The following SH3PXD2A variants were observed in gnomAD, a reference collection of about 807,000 sequenced individuals.
The protein encoded by SH3PXD2A is SH3 and PX domains 2A, also known as SH3 and PX domain-containing protein 2A.
A neutral mutation model predicts 115.2 loss-of-function variants in SH3PXD2A; 32 were observed. That is an observed-to-expected ratio of 0.28 (90% CI 0.21 to 0.37). SH3PXD2A has a LOEUF of 0.37. SH3PXD2A is among the 10% of genes least tolerant of loss of function. The pLI is 1.00. For missense variants in SH3PXD2A, 1,328 were observed against 1,498.7 expected (o/e 0.89, Z 1.88); for synonymous variants, 610 against 629.1 (o/e 0.97, Z 0.45).
At chr10:103,779,634 G>A (rs1293940198) in intron 2 of SH3PXD2A, among the ~76,000 whole-genome samples, 1 of 152,218 alleles carries the variant, frequency 6.6e-6, no homozygotes, top group African/African-American at 2.4e-5. Context: ...AGACACATCT[G>A]GCCAGTACAG....
Position 103,601,031 on chromosome 10 carries a change from C to G in SH3PXD2A, c.*785G>C, listed in dbSNP as rs536501043. On this transcript the variant is annotated 3_prime_UTR_variant, in exon 15 of 15. Coordinates refer to ENST00000369774, the MANE Select transcript of SH3PXD2A (RefSeq NM_001394015.1). Reference sequence around the variant, plus strand: ...AAGGAACTGCCCGCCCAGAAATACCCAAAATAGTCTGTGCAGATTAGGAAG... The same window carrying G: ...AAGGAACTGCCCGCCCAGAAATACCGAAAATAGTCTGTGCAGATTAGGAAG... 1.3e-5 allele frequency: 2 copies of G among 152,262 alleles called. No homozygotes were observed. The highest frequency in any genetic ancestry group is 1.9e-4 in the East Asian group (1 of 5,190). 9.4% of individuals were successfully genotyped at this position (152,262 alleles called of 1,614,324 possible).
At chr10:103,707,321 A>G (rs558758062) in intron 5 of SH3PXD2A, among the ~76,000 whole-genome samples, 2 of 151,936 alleles carry the variant, frequency 1.3e-5, no homozygotes, top group African/African-American at 4.8e-5. Flanking sequence ...TCAGCCTCCA[A>G]GTAGTTGGGA....
intron 3 of SH3PXD2A, among the ~76,000 whole-genome samples, chr10:103,739,003 G>C (rs2134189409): frequency 6.6e-6 from 1 of 152,260 alleles, no homozygotes; most frequent in Middle Eastern, 3.4e-3. Context: ...ATGTTGGTCA[G>C]GCTGGTCACG....
chr10:103,644,171 C>A (rs1197141554), intron 8 of SH3PXD2A, among the ~76,000 whole-genome samples: 1 of 150,302 alleles, frequency 6.7e-6, no homozygotes, highest in Non-Finnish European at 1.5e-5. Context: ...AAATCCAAGC[C>A]TGGCCACAAG....
intron 6 of SH3PXD2A, among the ~76,000 whole-genome samples, chr10:103,688,250 T>A (rs967421164): frequency 3.9e-5 from 6 of 152,134 alleles, no homozygotes; most frequent in African/African-American, 1.4e-4. Context: ...GATCCCCAAT[T>A]TAAAGCCACA....
At chr10:103,681,977 G>A (rs998187114) in intron 6 of SH3PXD2A, among the ~76,000 whole-genome samples, 3 of 152,198 alleles carry the variant, frequency 2.0e-5, no homozygotes, top group Non-Finnish European at 2.9e-5. Flanking sequence ...GTAGGTCTGG[G>A]CAGGCCCTGG....
intron 2 of SH3PXD2A, among the ~76,000 whole-genome samples, chr10:103,796,126 G>C (rs953870212): frequency 6.6e-6 from 1 of 151,908 alleles, no homozygotes; most frequent in East Asian, 1.9e-4. Flanking sequence ...TTGGAAGACC[G>C]AGGCGGAAGG....
chr10:103,841,310 C>A (rs1252162042), intron 1 of SH3PXD2A, among the ~76,000 whole-genome samples: 1 of 152,168 alleles, frequency 6.6e-6, no homozygotes, highest in Non-Finnish European at 1.5e-5. Flanking sequence ...TGGCTCCCAG[C>A]TGGAGCACTG....
intron 8 of SH3PXD2A, among the ~76,000 whole-genome samples, chr10:103,636,716 G>A (rs1012238523): frequency 4.6e-5 from 7 of 152,144 alleles, no homozygotes; most frequent in South Asian, 4.1e-4. Context: ...AGTCCTCTGA[G>A]GTCACAGCTC....
intron 11 of SH3PXD2A, among the ~76,000 whole-genome samples, chr10:103,614,242 G>A (rs888954388): frequency 1.3e-5 from 2 of 152,088 alleles, no homozygotes; most frequent in Admixed American, 1.3e-4. Context: ...GAGACAGAGT[G>A]AGACCCTGCC....
At position 103,666,178 on chromosome 10, in the gene SH3PXD2A, A is replaced by G. The variant is rs1564858312; in HGVS notation, c.472+2430T>C. On this transcript the variant is annotated intron_variant, in intron 7 of 14. Coordinates refer to ENST00000369774, the MANE Select transcript of SH3PXD2A (RefSeq NM_001394015.1). The surrounding 1 kb of genome is among the most constrained non-coding windows in gnomAD (Gnocchi z 4.5). Reference sequence around the variant, plus strand: ...TCTTTCTTGCCAATCTGAGCTCCCCAAGTTCCTTGATCCCCGTCCCCCACA... The same window carrying G: ...TCTTTCTTGCCAATCTGAGCTCCCCGAGTTCCTTGATCCCCGTCCCCCACA... Among the ~76,000 whole-genome samples the G allele has an allele frequency of 6.6e-6, 1 of 152,120 alleles. No individual in the cohort carries two copies. The highest frequency in any genetic ancestry group is 1.5e-5 in the Non-Finnish European group (1 of 68,024).
chr10:103,829,758 A>G (rs1198034732), intron 1 of SH3PXD2A, among the ~76,000 whole-genome samples: 1 of 152,264 alleles, frequency 6.6e-6, no homozygotes, highest in Non-Finnish European at 1.5e-5. Flanking sequence ...GCAAGGACAA[A>G]AAAGGTAAGA....
intron 5 of SH3PXD2A, among the ~76,000 whole-genome samples, chr10:103,700,379 C>T (rs1236531822): frequency 6.6e-6 from 1 of 152,228 alleles, no homozygotes; most frequent in East Asian, 1.9e-4. Context: ...GGACCCGTAG[C>T]CCAATAGCCT....
chr10:103,656,505 T>C (rs2037214196), intron 8 of SH3PXD2A, among the ~76,000 whole-genome samples: 1 of 152,180 alleles, frequency 6.6e-6, no homozygotes, highest in Admixed American at 6.6e-5. Flanking sequence ...GGCAGGCTGG[T>C]CTACAGTTAG....
At chr10:103,678,310 C>T (rs901894518) in intron 6 of SH3PXD2A, 2 of 169,764 alleles carry the variant, frequency 1.2e-5, no homozygotes, top group South Asian at 1.9e-4. Flanking sequence ...TGTGCATGCA[C>T]GCAGTGCGCA....
chr10:103,809,512 AG>A (rs752675741), intron 1 of SH3PXD2A, among the ~76,000 whole-genome samples: 14 of 152,132 alleles, frequency 9.2e-5, no homozygotes, highest in Non-Finnish European at 1.9e-4. Flanking sequence ...TCTGGGGAAA[AG>A]GGTTTTTAAA....
At chr10:103,848,003 T>TA (rs141752564) in intron 1 of SH3PXD2A, among the ~76,000 whole-genome samples, 19,057 of 151,810 alleles carry the variant, frequency 0.13, 2,249 homozygotes, top group African/African-American at 0.31. Flanking sequence ...AACATTAGTG[T>TA]AGATGGTTCA....
At chr10:103,812,792 C>T (rs1183478767) in intron 1 of SH3PXD2A, among the ~76,000 whole-genome samples, 1 of 152,230 alleles carries the variant, frequency 6.6e-6, no homozygotes, top group Non-Finnish European at 1.5e-5. Context: ...CAACTTTTGA[C>T]ACAAGGCAAA....
chr10:103,824,547 G>C (rs932565489), intron 1 of SH3PXD2A, among the ~76,000 whole-genome samples: 3 of 151,970 alleles, frequency 2.0e-5, no homozygotes, highest in African/African-American at 7.3e-5. Flanking sequence ...TCTGCCTCTG[G>C]GGCCACAGAG....
Sources: allele counts gnomAD v4.1 joint callset (sites outside exome capture counted in the v4.1 genomes callset), GRCh38; gene constraint gnomAD v4.1.1; non-coding constraint Gnocchi (gnomAD v3.1); transcripts MANE v1.5; gene names NCBI Gene and HGNC (gene_info 2026-07-23, HGNC 2026-07-21).